The following VIT variants were observed in gnomAD, a reference collection of about 807,000 sequenced individuals.
VIT encodes the protein vitrin.
In VIT, 99 loss-of-function variants were observed where a neutral mutation model predicts 78.0. The observed-to-expected ratio is 1.27, with a 90% confidence interval of 1.08 to 1.50. VIT has a LOEUF of 1.50. VIT is among the 40% of genes most tolerant of loss of function. The probability of loss-of-function intolerance (pLI) is 0.00; values close to 1 mark genes in which losing one functional copy is unlikely to be tolerated. For missense variants in VIT, 1,126 were observed against 875.3 expected, an observed-to-expected ratio of 1.29 and a Z score of -3.61; for synonymous variants, 374 against 334.3, an observed-to-expected ratio of 1.12 and a Z score of -1.29.
In VIT at chr2:36,743,778, G is replaced by A. The variant is rs372073188; in HGVS notation, c.275+522G>A. On this transcript the variant is annotated intron_variant, in intron 4 of 15. Transcript: ENST00000379242. ...TACACTACTTCAAATTATCCCACAGGTCACTGAGACATTGCTCTTTTTTAA... is the reference window on the plus strand; with the variant it reads ...TACACTACTTCAAATTATCCCACAGATCACTGAGACATTGCTCTTTTTTAA... Among the ~76,000 whole-genome samples the A allele has an allele frequency of 8.3e-4, 126 of 152,076 alleles. 2 individuals carry two copies. In the South Asian group the frequency reaches 0.025, roughly 31 times the overall value.
chr2:36,703,357 A>G, intron 1 of VIT, among the ~76,000 whole-genome samples: 1 of 135,200 alleles, frequency 7.4e-6, no homozygotes, highest in East Asian at 2.4e-4. Flanking sequence ...ACCCCCCTAC[A>G]CCCAGCCCAC....
intron 5 of VIT, among the ~76,000 whole-genome samples, chr2:36,755,974 T>TTTTTTTTGG (rs1668737562): frequency 6.7e-6 from 1 of 149,678 alleles, no homozygotes. Flanking sequence ...TTTTTTTTTT[T>TTTTTTTTGG]GAGACGGAGT....
intron 5 of VIT, among the ~76,000 whole-genome samples, chr2:36,756,686 G>A (rs567212809): frequency 3.9e-5 from 6 of 152,184 alleles, no homozygotes; most frequent in Admixed American, 1.3e-4. Flanking sequence ...GGTATCAACC[G>A]CAGTACTGTG....
At chr2:36,706,252 A>G (rs527663395) in intron 1 of VIT, among the ~76,000 whole-genome samples, 1 of 152,312 alleles carries the variant, frequency 6.6e-6, no homozygotes, top group African/African-American at 2.4e-5. Context: ...AGACAAGCAC[A>G]TGTGTCCTTT....
At chr2:36,707,102 G>C (rs1437287482) in intron 1 of VIT, among the ~76,000 whole-genome samples, 1 of 152,148 alleles carries the variant, frequency 6.6e-6, no homozygotes, top group Non-Finnish European at 1.5e-5. Context: ...GCCTTCTCTA[G>C]TTAAAACCAC....
Position 36,767,224 on chromosome 2 carries a change from T to C in VIT, c.618T>C (p.Ser206=), listed in dbSNP as rs745979459. The change falls in exon 7 of 16, where the codon TCT becomes TCC. Residue 206 remains serine, a synonymous_variant. Transcript: ENST00000379242. ...TPTTLPRPSP[S]AASTTSIPRP... is the part of the protein sequence containing the mutation. ...CCACCTTGCCAAGGCCATCCCCTTCTGCTGCTTCTACCACCAGCATCCCCA... is the reference window on the plus strand; with the variant it reads ...CCACCTTGCCAAGGCCATCCCCTTCCGCTGCTTCTACCACCAGCATCCCCA... 9.3e-6 allele frequency: 15 copies of C among 1,605,420 alleles called. No individual in the cohort carries two copies. Among genetic ancestry groups the C allele is most frequent in the Non-Finnish European group, 1.3e-5 (15 of 1,176,392 alleles).
intron 1 of VIT, among the ~76,000 whole-genome samples, chr2:36,712,521 C>T (rs1186905346): frequency 1.3e-5 from 2 of 152,088 alleles, no homozygotes; most frequent in African/African-American, 4.8e-5. Flanking sequence ...ATATAATTCA[C>T]ATACCATAAA....
At chr2:36,743,940 C>T (rs1248650563) in intron 4 of VIT, among the ~76,000 whole-genome samples, 1 of 152,048 alleles carries the variant, frequency 6.6e-6, no homozygotes, top group East Asian at 1.9e-4. Context: ...AAATAGGTAG[C>T]TTTTCAGGCT....
rs74499627 is a variant in VIT at position 36,706,021 on chromosome 2, C to A, written c.-19+9048C>A. Among the ~76,000 whole-genome samples the A allele has an allele frequency of 6.6e-4, 100 of 152,322 alleles. No individual in the cohort carries two copies. The East Asian group carries it at 0.012, about 18-fold the overall frequency. ...TGTCTCCTGCGGGACCAAATCACCT[C>A]TGGTTGTGAACTACTGTCATAAATA... On this transcript the variant is annotated intron_variant, in intron 1 of 15. Transcript: ENST00000379242.
intron 10 of VIT, 45 bp downstream of exon 10, chr2:36,781,816 C>G (rs776654468): frequency 6.2e-7 from 1 of 1,606,044 alleles, no homozygotes; most frequent in Non-Finnish European, 8.5e-7. Context: ...GATCAAGATG[C>G]GCAGGATAGC....
At chr2:36,766,651 C>T (rs1303293599) in intron 6 of VIT, among the ~76,000 whole-genome samples, 1 of 152,204 alleles carries the variant, frequency 6.6e-6, no homozygotes, top group East Asian at 1.9e-4. Flanking sequence ...CCAACCTAAA[C>T]CAGCGCATCT....
rs1667413910 is a variant in VIT, at chr2:36,814,341, A to C, written c.2062A>C (p.Asn688His). ...CATCCAGAACATTTGTACAGAGTTC[A>C]ACTCACAGCCTCGGAACTGAATTCA... Reference protein sequence around the residue: ...RIIQNICTEFNSQPRN With the variant: ...RIIQNICTEFHSQPRN The change falls in exon 16 of 16, where the codon AAC (asparagine) becomes CAC (histidine). Residue 688 changes from asparagine (N) to histidine (H), a missense_variant. By Grantham distance (68) the Asn-to-His change is moderately conservative. Transcript: ENST00000379242. 3 of 1,614,096 alleles carry C rather than the reference A, an allele frequency of 1.9e-6. 1 individual carries two copies. In the Admixed American group the frequency reaches 5.0e-5, roughly 27 times the overall value.
chr2:36,809,868 A>T (rs1229916649), intron 15 of VIT, among the ~76,000 whole-genome samples: 2 of 151,844 alleles, frequency 1.3e-5, no homozygotes, highest in African/African-American at 4.8e-5. Context: ...GTGCACGCCT[A>T]TTATCCCAGC....
chr2:36,735,798 C>A (rs550843889), intron 3 of VIT, among the ~76,000 whole-genome samples: 1 of 152,336 alleles, frequency 6.6e-6, no homozygotes, highest in Non-Finnish European at 1.5e-5. Flanking sequence ...CAAGCCCAAT[C>A]CCCTGAAACA....
chr2:36,774,576 G>C (rs1669941289), intron 8 of VIT: 1 of 985,292 alleles, frequency 1.0e-6, no homozygotes, highest in Non-Finnish European at 1.2e-6. Flanking sequence ...CATGTTCTTA[G>C]AAACTGTAGG....
At chr2:36,776,870 A>G (rs535148224) in intron 9 of VIT, among the ~76,000 whole-genome samples, 1 of 151,882 alleles carries the variant, frequency 6.6e-6, no homozygotes, top group Non-Finnish European at 1.5e-5. Context: ...AGGGCAGATC[A>G]CGAGGTCAGG....
chr2:36,777,001 A>G (rs1203808537), intron 9 of VIT, among the ~76,000 whole-genome samples: 1 of 148,816 alleles, frequency 6.7e-6, no homozygotes, highest in Non-Finnish European at 1.5e-5. Context: ...AGGCAGGAGA[A>G]TGGCATGAAC....
At chr2:36,758,891 AG>A in intron 5 of VIT, 77 bp from the exon 6 acceptor site, 1 of 1,228,822 alleles carries the variant, frequency 8.1e-7, no homozygotes, top group Non-Finnish European at 1.2e-6. Flanking sequence ...TTGAAAGGAC[AG>A]AATCAACTTA....
At chr2:36,713,496 G>C (rs1288587493) in intron 1 of VIT, among the ~76,000 whole-genome samples, 1 of 152,226 alleles carries the variant, frequency 6.6e-6, no homozygotes, top group African/African-American at 2.4e-5. Context: ...ACTGTGGAGT[G>C]TCAGCCGAGA....
Sources: allele counts gnomAD v4.1 joint callset (sites outside exome capture counted in the v4.1 genomes callset), GRCh38; gene constraint gnomAD v4.1.1; transcripts MANE v1.5; gene names NCBI Gene and HGNC (gene_info 2026-07-23, HGNC 2026-07-21).